The following EXT1 variants were observed in gnomAD, a reference collection of about 807,000 sequenced individuals.
The protein encoded by EXT1 is exostosin glycosyltransferase 1, also known as exostosin-1.
EXT1 carries 20 observed loss-of-function variants against 82.5 expected under a neutral mutation model. That is an observed-to-expected ratio of 0.24 (90% confidence interval 0.17 to 0.35). The LOEUF is 0.35. EXT1 is among the 10% of genes least tolerant of loss of function. EXT1 has a pLI of 1.00. For missense variants in EXT1, 757 were observed against 936.5 expected (o/e 0.81, Z 2.50); for synonymous variants, 348 against 350.8 (o/e 0.99, Z 0.09).
intron 1 of EXT1, among the ~76,000 whole-genome samples, chr8:117,979,642 A>G (rs767868904): frequency 4.6e-5 from 7 of 152,176 alleles, no homozygotes; most frequent in Non-Finnish European, 1.0e-4. Flanking sequence ...TCCACATTTT[A>G]GTAACTAGAC....
At chr8:117,843,365 T>C (rs1812302563) in intron 1 of EXT1, among the ~76,000 whole-genome samples, 1 of 152,004 alleles carries the variant, frequency 6.6e-6, no homozygotes, top group Admixed American at 6.6e-5. Context: ...GAGGTGGGTG[T>C]TATACAGAGA....
chr8:117,955,565 C>A (rs980525103), intron 1 of EXT1, among the ~76,000 whole-genome samples: 11 of 151,054 alleles, frequency 7.3e-5, no homozygotes, highest in Non-Finnish European at 1.5e-4. Context: ...GGGCAGAGAC[C>A]AAATTTTTGA....
chr8:117,858,766 A>AAGGAAGGAAGGCAGGCAGGCAGGCAGGC (rs1289892313), intron 1 of EXT1, among the ~76,000 whole-genome samples: 41 of 54,592 alleles, frequency 7.5e-4, no homozygotes, highest in Non-Finnish European at 8.0e-4. Context: ...GGAAGGAAGG[A>AAGGAAGGAAGGCAGGCAGGCAGGCAGGC]AGGCAGGCAG....
At chr8:117,881,637 C>G (rs561933603) in intron 1 of EXT1, among the ~76,000 whole-genome samples, 60 of 152,168 alleles carry the variant, frequency 3.9e-4, no homozygotes, top group Non-Finnish European at 7.8e-4. Flanking sequence ...ACGTAAAAAC[C>G]AACTCACATT....
At chr8:117,851,584 A>G (rs1240834251) in intron 1 of EXT1, among the ~76,000 whole-genome samples, 1 of 150,036 alleles carries the variant, frequency 6.7e-6, no homozygotes, top group Non-Finnish European at 1.5e-5. Flanking sequence ...AAGTGTGCTT[A>G]AATGATCTAA....
chr8:117,887,006 A>C (rs2129933274), intron 1 of EXT1, among the ~76,000 whole-genome samples: 1 of 152,352 alleles, frequency 6.6e-6, no homozygotes, highest in Non-Finnish European at 1.5e-5. Context: ...CTGTACCTTA[A>C]TATGCATCTA....
chr8:117,999,941 T>C (rs1815624664), intron 1 of EXT1, among the ~76,000 whole-genome samples: 1 of 149,466 alleles, frequency 6.7e-6, no homozygotes, highest in Non-Finnish European at 1.5e-5. Flanking sequence ...AGTGTATATA[T>C]ATATATATGT....
Position 118,032,751 on chromosome 8 carries a change from C to A in EXT1, c.962+77334G>T, listed in dbSNP as rs140582960. Among the ~76,000 whole-genome samples, 833 of 152,186 alleles carry A rather than the reference C, an allele frequency of 5.5e-3. 10 individuals carry two copies. The highest frequency in any genetic ancestry group is 0.019 in the African/African-American group (801 of 41,528). ...TCTCGAACTCCCGACCTCAGGTGAT[C>A]TGCCCGCCTCAGCCTCCCAAAATGC... is the stretch of plus-strand genomic sequence containing the variant. On this transcript the variant is annotated intron_variant, in intron 1 of 10. Coordinates refer to ENST00000378204, the MANE Select transcript of EXT1 (RefSeq NM_000127.3).
intron 1 of EXT1, among the ~76,000 whole-genome samples, chr8:117,895,739 T>G (rs1483998460): frequency 6.6e-6 from 1 of 152,232 alleles, no homozygotes; most frequent in Non-Finnish European, 1.5e-5. Flanking sequence ...TGGATGTTTT[T>G]GCTTTTTCTT....
intron 1 of EXT1, among the ~76,000 whole-genome samples, chr8:118,008,135 G>T (rs2129826190): frequency 6.6e-6 from 1 of 152,270 alleles, no homozygotes; most frequent in East Asian, 1.9e-4. Flanking sequence ...TGTTCTCATT[G>T]CTCAGCTCCC....
intron 1 of EXT1, among the ~76,000 whole-genome samples, chr8:118,053,099 C>G (rs1034578191): frequency 6.6e-6 from 1 of 152,174 alleles, no homozygotes; most frequent in African/African-American, 2.4e-5. Flanking sequence ...CTGACACATC[C>G]CTAGTAGCAT....
At chr8:117,996,713 A>G (rs190862629) in intron 1 of EXT1, among the ~76,000 whole-genome samples, 1 of 152,366 alleles carries the variant, frequency 6.6e-6, no homozygotes, top group East Asian at 1.9e-4. Flanking sequence ...GATCCTTTGC[A>G]AAACTGCTAT....
chr8:117,875,441 T>C (rs1190938593), intron 1 of EXT1, among the ~76,000 whole-genome samples: 1 of 148,422 alleles, frequency 6.7e-6, no homozygotes, highest in Non-Finnish European at 1.5e-5. Context: ...AATAAATAAA[T>C]AAATAAATAA....
chr8:117,992,912 A>G (rs1815465104), intron 1 of EXT1, among the ~76,000 whole-genome samples: 1 of 152,160 alleles, frequency 6.6e-6, no homozygotes, highest in Non-Finnish European at 1.5e-5. Flanking sequence ...TCACTACTTT[A>G]CTGTCATCTT....
chr8:118,110,708 G>A lies in EXT1; in HGVS notation c.339C>T (p.Gly113=). ...GCTGTGGGTATACGTAGACTTTGAAGCCGTTTTTCTTGCAAAGGGTGAAAT... is the reference window on the plus strand; with the variant it reads ...GCTGTGGGTATACGTAGACTTTGAAACCGTTTTTCTTGCAAAGGGTGAAAT... ...CFDFTLCKKN[G]FKVYVYPQQK... is the part of the protein sequence containing the mutation. Residue 113 remains glycine, a synonymous_variant, in exon 1 of 11, where the codon GGC becomes GGT. Coordinates refer to ENST00000378204, the MANE Select transcript of EXT1 (RefSeq NM_000127.3). 11 of 1,614,176 alleles carry A rather than the reference G, an allele frequency of 6.8e-6. No individual in the cohort carries two copies. Among genetic ancestry groups the A allele is most frequent in the Non-Finnish European group, 9.3e-6 (11 of 1,180,040 alleles).
At chr8:117,937,680 A>G (rs1814194016) in intron 1 of EXT1, among the ~76,000 whole-genome samples, 1 of 152,248 alleles carries the variant, frequency 6.6e-6, no homozygotes, top group Admixed American at 6.5e-5. Flanking sequence ...ACGCGTTCAG[A>G]GCATTTTCCC....
rs1563870391 is a variant in EXT1, at chr8:117,795,336, G to C, written c.*4376C>G. The C allele has an allele frequency of 6.6e-6, 1 of 151,792 alleles. No homozygotes were observed. Among genetic ancestry groups the C allele is most frequent in the South Asian group, 2.1e-4 (1 of 4,814 alleles). The allele number at this position is 151,792 out of a possible 1,614,324, so 9.4% of individuals were successfully genotyped here. A position where few individuals can be genotyped will look rare whatever the true frequency, so the allele number is the denominator to read the frequency against. ...GACAAAAGCCTTTGATTTTTGGAAA[G>C]GGCAAAAAGGGGAGAGATGGTTTTG... On this transcript the variant is annotated 3_prime_UTR_variant, in exon 11 of 11. Coordinates refer to ENST00000378204, the MANE Select transcript of EXT1 (RefSeq NM_000127.3).
chr8:117,887,469 G>A (rs1181099541), intron 1 of EXT1, among the ~76,000 whole-genome samples: 4 of 151,864 alleles, frequency 2.6e-5, no homozygotes, highest in Admixed American at 6.6e-5. Context: ...CTCCTGCCTC[G>A]GCCTCCTGAG....
intron 10 of EXT1, among the ~76,000 whole-genome samples, chr8:117,802,103 T>A (rs1178133937): frequency 1.3e-5 from 2 of 152,206 alleles, no homozygotes; most frequent in Non-Finnish European, 2.9e-5. Flanking sequence ...TTAATGTGTA[T>A]GATGGAAAGA....
Sources: allele counts gnomAD v4.1 joint callset (sites outside exome capture counted in the v4.1 genomes callset), GRCh38; gene constraint gnomAD v4.1.1; transcripts MANE v1.5; gene names NCBI Gene and HGNC (gene_info 2026-07-23, HGNC 2026-07-21).